The following PRKD1 variants were observed in gnomAD, a reference collection of about 807,000 sequenced individuals.
PRKD1 encodes protein kinase D1.
In PRKD1, 63 loss-of-function variants were observed where a neutral mutation model predicts 95.9. The observed-to-expected ratio is 0.66, with a 90% CI of 0.54 to 0.81. PRKD1 has a LOEUF of 0.81. Ranked by LOEUF, PRKD1 falls within the 30% of genes least tolerant of loss-of-function variation. The probability of loss-of-function intolerance (pLI) is 0.00; values close to 1 mark genes in which losing one functional copy is unlikely to be tolerated. For missense variants in PRKD1, 1,048 were observed against 1,165.3 expected, an observed-to-expected ratio of 0.90 and a Z score of 1.47; for synonymous variants, 425 against 423.1, an observed-to-expected ratio of 1.00 and a Z score of -0.05.
intron 13 of PRKD1, among the ~76,000 whole-genome samples, chr14:29,615,558 A>G (rs1215171714): frequency 6.6e-6 from 1 of 152,198 alleles, no homozygotes; most frequent in East Asian, 1.9e-4. Context: ...GGTTTTGCCA[A>G]TGCCGGGCTT....
At chr14:29,809,129 G>A (rs1049136030) in intron 1 of PRKD1, among the ~76,000 whole-genome samples, 2 of 152,210 alleles carry the variant, frequency 1.3e-5, no homozygotes, top group Admixed American at 6.5e-5. Context: ...ACAATATTTT[G>A]AAAGGAATCT....
At chr14:29,841,137 T>C (rs1279669416) in intron 1 of PRKD1, among the ~76,000 whole-genome samples, 2 of 152,234 alleles carry the variant, frequency 1.3e-5, no homozygotes, top group Non-Finnish European at 2.9e-5. Flanking sequence ...TGTACCCACA[T>C]TGTATCAACG....
At chr14:29,784,025 TAGC>T (rs1889161803) in intron 1 of PRKD1, among the ~76,000 whole-genome samples, 1 of 152,232 alleles carries the variant, frequency 6.6e-6, no homozygotes, top group Admixed American at 6.5e-5. Context: ...TTTGCAACCT[TAGC>T]CATAAAATCT....
At chr14:29,809,514 T>C (rs888881187) in intron 1 of PRKD1, among the ~76,000 whole-genome samples, 1 of 152,230 alleles carries the variant, frequency 6.6e-6, no homozygotes, top group Non-Finnish European at 1.5e-5. Context: ...TCTGGATAAC[T>C]TGCTGATGCT....
chr14:29,866,742 A>G (rs1344003123), intron 1 of PRKD1, among the ~76,000 whole-genome samples: 1 of 152,158 alleles, frequency 6.6e-6, no homozygotes, highest in African/African-American at 2.4e-5. Flanking sequence ...AGATCTAAAC[A>G]GGATTTACAA....
At chr14:29,737,172 A>G (rs1437064279) in intron 1 of PRKD1, among the ~76,000 whole-genome samples, 1 of 148,822 alleles carries the variant, frequency 6.7e-6, no homozygotes, top group Non-Finnish European at 1.5e-5. Context: ...AATACAAAAA[A>G]TTAGCCGGGC....
chr14:29,732,735 T>C (rs997294335), intron 1 of PRKD1, among the ~76,000 whole-genome samples: 5 of 152,162 alleles, frequency 3.3e-5, no homozygotes. Context: ...TAGAGTTGTA[T>C]GTTAATGTTT....
intron 4 of PRKD1, among the ~76,000 whole-genome samples, chr14:29,662,126 T>A (rs192807068): frequency 6.6e-6 from 1 of 152,328 alleles, no homozygotes; most frequent in East Asian, 1.9e-4. Flanking sequence ...TGTTAAATTA[T>A]ACTTACATAA....
chr14:29,636,217 T>C lies in PRKD1; in HGVS notation c.1190+73A>G, dbSNP rs890783652. 284 of 1,524,612 alleles carry C rather than the reference T, an allele frequency of 1.9e-4. 2 individuals carry two copies. The highest frequency in any genetic ancestry group is 8.9e-5 in the Non-Finnish European group (98 of 1,100,768). The allele number at this position is 1,524,612 out of a possible 1,614,324, so 94.4% of individuals were successfully genotyped here. A position where few individuals can be genotyped will look rare whatever the true frequency, so the allele number is the denominator to read the frequency against. On this transcript the variant is annotated intron_variant, in intron 7 of 17. Coordinates refer to ENST00000331968, the MANE Select transcript of PRKD1 (RefSeq NM_002742.3). ...ACATTTCTACTATAATCTATTAAAATATCAAAGAGGTTTAAAGAGAAAATA... is the reference window on the plus strand; with the variant it reads ...ACATTTCTACTATAATCTATTAAAACATCAAAGAGGTTTAAAGAGAAAATA...
chr14:29,857,563 G>C lies in PRKD1; in HGVS notation c.264+69686C>G, dbSNP rs543766669. Among the ~76,000 whole-genome samples, 78 of 152,302 alleles carry C rather than the reference G, an allele frequency of 5.1e-4. No individual in the cohort carries two copies. In the Middle Eastern group the frequency reaches 0.01, roughly 20 times the overall value. On this transcript the variant is annotated intron_variant, in intron 1 of 17. Coordinates refer to ENST00000331968, the MANE Select transcript of PRKD1 (RefSeq NM_002742.3). ...AGGTAGCTCAAAATGCCAGCAATTA[G>C]TGATTCAAGTGTCCTCTTCAGAAAA...
intron 1 of PRKD1, among the ~76,000 whole-genome samples, chr14:29,848,755 C>T (rs1383019427): frequency 6.6e-6 from 1 of 152,132 alleles, no homozygotes; most frequent in Non-Finnish European, 1.5e-5. Context: ...CAAAAAACAC[C>T]TGATGACAGA....
chr14:29,901,197 T>C (rs2139429863), intron 1 of PRKD1, among the ~76,000 whole-genome samples: 1 of 152,268 alleles, frequency 6.6e-6, no homozygotes, highest in Non-Finnish European at 1.5e-5. Context: ...GCAACATGGA[T>C]GGAGTTAGAG....
intron 1 of PRKD1, among the ~76,000 whole-genome samples, chr14:29,912,186 A>T (rs1313954024): frequency 5.3e-5 from 8 of 152,306 alleles, no homozygotes; most frequent in Non-Finnish European, 1.2e-4. Flanking sequence ...AAAATCCTTA[A>T]CAACATCTAC....
chr14:29,760,011 T>C (rs1352613981), intron 1 of PRKD1, among the ~76,000 whole-genome samples: 1 of 152,206 alleles, frequency 6.6e-6, no homozygotes. Context: ...GCAAAGGCTT[T>C]AGAAATACAG....
At chr14:29,830,859 A>C (rs1361241750) in intron 1 of PRKD1, among the ~76,000 whole-genome samples, 1 of 151,878 alleles carries the variant, frequency 6.6e-6, no homozygotes, top group African/African-American at 2.4e-5. Flanking sequence ...CGCCCAACTA[A>C]TTTTTTGTAG....
chr14:29,737,214 G>T (rs554399937), intron 1 of PRKD1, among the ~76,000 whole-genome samples: 1 of 150,068 alleles, frequency 6.7e-6, no homozygotes, highest in African/African-American at 2.5e-5. Flanking sequence ...CCCAGCTACT[G>T]GGGAGGCTGA....
chr14:29,692,975 A>T (rs1209323771), intron 2 of PRKD1, among the ~76,000 whole-genome samples: 1 of 152,202 alleles, frequency 6.6e-6, no homozygotes, highest in African/African-American at 2.4e-5. Flanking sequence ...CAATAAAGCA[A>T]TTATTCTATG....
chr14:29,911,070 T>A (rs1229404454), intron 1 of PRKD1, among the ~76,000 whole-genome samples: 1 of 152,180 alleles, frequency 6.6e-6, no homozygotes, highest in Non-Finnish European at 1.5e-5. Context: ...TACATATGAT[T>A]AAGTAATTAA....
chr14:29,927,287 G>A lies in PRKD1; in HGVS notation c.226C>T (p.His76Tyr). Residue 76 changes from histidine to tyrosine, a missense_variant, in exon 1 of 18, where the codon CAC becomes TAC. By Grantham distance (83) the His-to-Tyr change is moderately conservative. Coordinates refer to ENST00000331968, the MANE Select transcript of PRKD1 (RefSeq NM_002742.3). ...ATGGAGCAAGCCATCTCGCGGACGTGCGCCAGGCTGTAGTCCCCGGACGAG... is the reference window on the plus strand; with the variant it reads ...ATGGAGCAAGCCATCTCGCGGACGTACGCCAGGCTGTAGTCCCCGGACGAG... ...QDSSGDYSLAHVREMACSIVD... is the reference protein window; with the variant it reads ...QDSSGDYSLAYVREMACSIVD... 2 of 1,538,026 alleles carry A rather than the reference G, an allele frequency of 1.3e-6. No homozygotes were observed. The highest frequency in any genetic ancestry group is 8.7e-7 in the Non-Finnish European group (1 of 1,143,862).
Sources: allele counts gnomAD v4.1 joint callset (sites outside exome capture counted in the v4.1 genomes callset), GRCh38; gene constraint gnomAD v4.1.1; transcripts MANE v1.5; gene names NCBI Gene and HGNC (gene_info 2026-07-23, HGNC 2026-07-21).